Variants in WLS observed in about 807,000 individuals in gnomAD.
WLS encodes protein wntless homolog.
In WLS, 23 loss-of-function variants were observed where a neutral mutation model predicts 62.8. That is an observed-to-expected ratio of 0.37 (90% CI 0.26 to 0.52). The LOEUF is 0.52. Among genes scored for constraint, WLS ranks in the 20% least tolerant of loss-of-function variants. WLS has a pLI of 0.92. For missense variants in WLS, 615 were observed against 697.3 expected (o/e 0.88, Z 1.33); for synonymous variants, 246 against 244.1 (o/e 1.01, Z -0.07).
Position 68,218,570 on chromosome 1 carries a change from C to A in WLS, c.106+13624G>T, listed in dbSNP as rs920270159. Among the ~76,000 whole-genome samples, 4 of 152,202 alleles carry A rather than the reference C, an allele frequency of 2.6e-5. No homozygotes were observed. In the East Asian group the frequency reaches 7.7e-4, roughly 29 times the overall value. ...CACATTCTAGGTGTGTACTCTTTGC[C>A]AGGCACTGCCGTTTTGAGGCCTTGT... On this transcript the variant is annotated intron_variant, in intron 1 of 11. Transcript: ENST00000262348.
chr1:68,192,312 T>C (rs964297051), intron 2 of WLS, among the ~76,000 whole-genome samples: 1 of 151,992 alleles, frequency 6.6e-6, no homozygotes, highest in African/African-American at 2.4e-5. Flanking sequence ...TACATGAAAA[T>C]CATATTTAGA....
intron 6 of WLS, 37 bp from the exon 7 acceptor site, chr1:68,148,697 A>T: frequency 6.3e-7 from 1 of 1,598,998 alleles, no homozygotes; most frequent in Admixed American, 1.7e-5. Flanking sequence ...GATAGAGGGG[A>T]GAGGAAGACC....
In WLS at chr1:68,232,244, C is replaced by T. The variant is rs1157324101; in HGVS notation, c.56G>A (p.Gly19Glu). 6.2e-7 allele frequency: 1 copy of T among 1,614,132 alleles called. No homozygotes were observed. The change falls in exon 1 of 12, where the codon GGG becomes GAG. Residue 19 changes from glycine to glutamate, a missense_variant. By Grantham distance (98) the Gly-to-Glu change is moderately conservative (BLOSUM62 -2). Coordinates refer to ENST00000262348, the MANE Select transcript of WLS (RefSeq NM_024911.7). ...MSTKKLCIVGGILLVFQIIAF... is the reference protein window; with the variant it reads ...MSTKKLCIVGEILLVFQIIAF... ...GATGATTTGGAACACGAGCAGAATC[C>T]CACCAACAATGCACAGCTTCTTGGT...
chr1:68,123,518 C>T (rs1234462754), downstream of WLS, among the ~76,000 whole-genome samples: 1 of 151,860 alleles, frequency 6.6e-6, no homozygotes. Flanking sequence ...CTGCTGGACC[C>T]CTCAGTTCTA....
At chr1:68,112,369 C>G (rs1184730838) in intron 11 of WLS, among the ~76,000 whole-genome samples, 1 of 152,148 alleles carries the variant, frequency 6.6e-6, no homozygotes, top group African/African-American at 2.4e-5. Flanking sequence ...TGCCTGAACC[C>G]AAAAGCAAAA....
intron 2 of WLS, chr1:68,162,255 T>A: frequency 6.4e-7 from 1 of 1,567,818 alleles, no homozygotes; most frequent in South Asian, 1.1e-5. Flanking sequence ...GTGCTAAGGC[T>A]TTCTCGTCCA....
rs1646747810 is a variant in WLS at position 68,145,976 on chromosome 1, G to C, written c.1171C>G (p.Leu391Val). 1.2e-6 allele frequency: 2 copies of C among 1,614,198 alleles called. No individual in the cohort carries two copies. The highest frequency in any genetic ancestry group is 8.5e-7 in the Non-Finnish European group (1 of 1,180,038). Residue 391 changes from leucine (L) to valine (V), a missense_variant, in exon 9 of 12, where the codon CTC (leucine) becomes GTC (valine). By Grantham distance (32) the Leu-to-Val change is conservative. Transcript: ENST00000262348. ...ATGAAGCATAGAAACAGGAAGTAGAGGCAGAGGCAGATTCCAGCCACGATG... is the reference window on the plus strand; with the variant it reads ...ATGAAGCATAGAAACAGGAAGTAGACGCAGAGGCAGATTCCAGCCACGATG... ...FIIVAGICLCLYFLFLCFMVF... is the reference protein window; with the variant it reads ...FIIVAGICLCVYFLFLCFMVF...
chr1:68,101,878 C>A (rs749046978), intron 11 of WLS, among the ~76,000 whole-genome samples: 1 of 152,194 alleles, frequency 6.6e-6, no homozygotes, highest in Non-Finnish European at 1.5e-5. Context: ...ACAAAAAATA[C>A]GCTCTTAAAA....
rs111511852 is a variant in WLS, at chr1:68,140,140, G to A, written c.1363-2207C>T. Among the ~76,000 whole-genome samples the A allele has an allele frequency of 2.1e-4, 32 of 152,332 alleles. 2 individuals carry two copies. The highest frequency in any genetic ancestry group is 7.5e-4 in the African/African-American group (31 of 41,590). On this transcript the variant is annotated intron_variant, in intron 10 of 11. Transcript: ENST00000262348. ...TTAGTCTTATTAATGACGCTGTGAG[G>A]TAGGTAGGTAATATTTCCATTCAAC...
intron 11 of WLS, among the ~76,000 whole-genome samples, chr1:68,116,566 C>T (rs928876491): frequency 1.3e-5 from 2 of 152,142 alleles, no homozygotes; most frequent in Non-Finnish European, 2.9e-5. Context: ...GTGCCTACCT[C>T]ATAGGATTCA....
chr1:68,098,695 A>C lies in WLS; in HGVS notation c.1569T>G (p.Tyr523Ter). Reference sequence around the variant, plus strand: ...ATTTCGAAGCGCTGAACAATTCTTGATAAAGTTCCGAAACAAACAAAGCAC... The same window carrying C: ...ATTTCGAAGCGCTGAACAATTCTTGCTAAAGTTCCGAAACAAACAAAGCAC... The change falls in exon 12 of 12, where the codon TAT (tyrosine) becomes TAG (stop). Residue 523 changes from tyrosine to a stop codon, truncating the protein, a stop_gained. Transcript: ENST00000354777. LOFTEE classifies it low-confidence loss of function (END_TRUNC). 6.2e-7 allele frequency: 1 copy of C among 1,614,046 alleles called. No individual in the cohort carries two copies. Among genetic ancestry groups the C allele is most frequent in the Non-Finnish European group, 8.5e-7 (1 of 1,179,938 alleles).
At chr1:68,153,149 C>T (rs1173334856) in intron 5 of WLS, among the ~76,000 whole-genome samples, 1 of 152,070 alleles carries the variant, frequency 6.6e-6, no homozygotes, top group Non-Finnish European at 1.5e-5. Flanking sequence ...GAAGCATACA[C>T]CTGTGGTTCT....
At chr1:68,136,652 T>A (rs1646615501) in intron 11 of WLS, among the ~76,000 whole-genome samples, 1 of 152,262 alleles carries the variant, frequency 6.6e-6, no homozygotes, top group South Asian at 2.1e-4. Context: ...TTTATCAACA[T>A]TTCATGGAGA....
chr1:68,136,865 G>T (rs1223965364), intron 11 of WLS, among the ~76,000 whole-genome samples: 1 of 152,156 alleles, frequency 6.6e-6, no homozygotes, highest in Non-Finnish European at 1.5e-5. Flanking sequence ...GGCTCTGGGG[G>T]GCTGCTACCC....
chr1:68,205,838 A>C (rs1649259116), intron 1 of WLS, among the ~76,000 whole-genome samples: 1 of 152,224 alleles, frequency 6.6e-6, no homozygotes, highest in South Asian at 2.1e-4. Context: ...TGCTGCACGT[A>C]TGTACTATTT....
intron 2 of WLS, among the ~76,000 whole-genome samples, chr1:68,171,645 T>C (rs1334850438): frequency 6.6e-6 from 1 of 152,132 alleles, no homozygotes; most frequent in East Asian, 1.9e-4. Context: ...ATGGCGATCA[T>C]TGAAAAGTCA....
intron 1 of WLS, among the ~76,000 whole-genome samples, chr1:68,215,862 T>C (rs1557525647): frequency 6.6e-6 from 1 of 152,134 alleles, no homozygotes; most frequent in Admixed American, 6.5e-5. Context: ...CCCAGTAAAT[T>C]AGTTTCACCC....
intron 2 of WLS, among the ~76,000 whole-genome samples, chr1:68,192,445 G>A (rs1267828794): frequency 6.6e-6 from 1 of 151,836 alleles, no homozygotes; most frequent in Non-Finnish European, 1.5e-5. Flanking sequence ...TTAAGGCCAG[G>A]TGCAGTGGCT....
At chr1:68,134,391 G>T (rs113366884) in intron 11 of WLS, among the ~76,000 whole-genome samples, 5 of 152,290 alleles carry the variant, frequency 3.3e-5, no homozygotes, top group African/African-American at 1.2e-4. Context: ...GCTGCCAGGG[G>T]TTCCCGGGGG....
Sources: gnomAD v4.1 joint callset for allele counts (sites outside exome capture counted in the v4.1 genomes callset) on GRCh38, gnomAD v4.1.1 for gene constraint, MANE v1.5 for transcripts, NCBI Gene and HGNC (gene_info 2026-07-23, HGNC 2026-07-21) for gene names.